Variants in ERBB4 observed in about 807,000 individuals in gnomAD.
ERBB4 encodes the protein receptor tyrosine-protein kinase erbB-4.
A neutral mutation model predicts 158.0 loss-of-function variants in ERBB4; 42 were observed. The observed-to-expected ratio is 0.27, with a 90% CI of 0.21 to 0.34. The LOEUF (loss-of-function observed/expected upper bound fraction) is 0.34, where lower values mean the gene tolerates loss of function less well. ERBB4 is among the 10% of genes least tolerant of loss of function. The pLI is 1.00. For missense variants in ERBB4, 1,333 were observed against 1,624.1 expected, an observed-to-expected ratio of 0.82 and a Z score of 3.08; for synonymous variants, 583 against 558.7, an observed-to-expected ratio of 1.04 and a Z score of -0.61.
intron 16 of ERBB4, 92 bp downstream of exon 16, chr2:211,657,662 T>C: frequency 1.1e-6 from 1 of 948,172 alleles, no homozygotes; most frequent in Middle Eastern, 2.5e-4. Flanking sequence ...AGTTACAATA[T>C]ATTATAAATT....
chr2:212,048,992 C>T (rs2077330611), intron 2 of ERBB4, among the ~76,000 whole-genome samples: 2 of 152,198 alleles, frequency 1.3e-5, no homozygotes, highest in Non-Finnish European at 2.9e-5. Context: ...GGGCACACAC[C>T]TTGATTTCAG....
intron 4 of ERBB4, among the ~76,000 whole-genome samples, chr2:211,760,471 A>G (rs1250799418): frequency 6.6e-6 from 1 of 152,238 alleles, no homozygotes; most frequent in African/African-American, 2.4e-5. Context: ...AACTTGGTGG[A>G]AGGAACAATA....
chr2:211,414,551 T>C (rs933524538), intron 25 of ERBB4, among the ~76,000 whole-genome samples: 3 of 136,050 alleles, frequency 2.2e-5, no homozygotes, highest in Non-Finnish European at 4.9e-5. Context: ...AGAAAGAAAA[T>C]ACAATTTTAA....
intron 3 of ERBB4, among the ~76,000 whole-genome samples, chr2:211,789,886 C>T (rs1203048277): frequency 2.0e-5 from 3 of 151,994 alleles, no homozygotes; most frequent in South Asian, 2.1e-4. Context: ...ATGTACGAAA[C>T]CCTCCAGATT....
At chr2:211,599,388 T>C (rs550016650) in intron 19 of ERBB4, among the ~76,000 whole-genome samples, 5 of 152,318 alleles carry the variant, frequency 3.3e-5, no homozygotes, top group Admixed American at 2.6e-4. Flanking sequence ...GGGCTCTTTT[T>C]ACTTCTGCCT....
intron 26 of ERBB4, 94 bp downstream of exon 26, chr2:211,387,851 G>T: frequency 1.0e-6 from 1 of 991,408 alleles, no homozygotes; most frequent in Non-Finnish European, 1.6e-6. Flanking sequence ...GTTGGCAAAG[G>T]CAAAATGAGG....
At chr2:212,342,119 C>G (rs2088750158) in intron 1 of ERBB4, among the ~76,000 whole-genome samples, 1 of 152,056 alleles carries the variant, frequency 6.6e-6, no homozygotes, top group Non-Finnish European at 1.5e-5. Flanking sequence ...AACAAAACAT[C>G]CAGGCATGTT....
intron 1 of ERBB4, among the ~76,000 whole-genome samples, chr2:212,289,342 T>G (rs2086120228): frequency 6.6e-6 from 1 of 152,194 alleles, no homozygotes; most frequent in Non-Finnish European, 1.5e-5. Context: ...TAAAGGATCT[T>G]TTGATATTTT....
At chr2:211,830,384 A>C (rs2077193649) in intron 3 of ERBB4, among the ~76,000 whole-genome samples, 2 of 152,144 alleles carry the variant, frequency 1.3e-5, no homozygotes, top group Non-Finnish European at 2.9e-5. Flanking sequence ...TACTTGGCCA[A>C]ATAACTAATG....
At chr2:212,106,211 C>T (rs771769196) in intron 2 of ERBB4, among the ~76,000 whole-genome samples, 2 of 152,084 alleles carry the variant, frequency 1.3e-5, no homozygotes, top group African/African-American at 2.4e-5. Context: ...CTGGAACTCC[C>T]TAGAGACTTG....
intron 3 of ERBB4, among the ~76,000 whole-genome samples, chr2:211,828,462 ATTC>A (rs955993254): frequency 1.2e-4 from 19 of 152,102 alleles, no homozygotes; most frequent in African/African-American, 4.6e-4. Context: ...GGGCCCTAGA[ATTC>A]TTCTAGGGTC....
At chr2:212,103,272 A>G (rs1031726663) in intron 2 of ERBB4, among the ~76,000 whole-genome samples, 4 of 152,072 alleles carry the variant, frequency 2.6e-5, no homozygotes, top group African/African-American at 9.7e-5. Flanking sequence ...CATTTTGATA[A>G]GTCTTCCTTC....
Position 212,232,503 on chromosome 2 carries a change from T to C in ERBB4, c.83-107600A>G, listed in dbSNP as rs542270886. ...AGCTCACCACAACCTCTGTCTCCTG[T>C]GTTCAAGCGATTTTCCTGCCTCTGC... On this transcript the variant is annotated intron_variant, in intron 1 of 27. Coordinates refer to ENST00000342788, the MANE Select transcript of ERBB4 (RefSeq NM_005235.3). Among the ~76,000 whole-genome samples, 15 of 152,208 alleles carry C rather than the reference T, an allele frequency of 9.9e-5. No homozygotes were observed. The South Asian group carries it at 3.1e-3, about 32-fold the overall frequency.
chr2:212,023,617 C>A (rs1258643623), intron 2 of ERBB4, among the ~76,000 whole-genome samples: 1 of 151,612 alleles, frequency 6.6e-6, no homozygotes, highest in African/African-American at 2.4e-5. Context: ...TATATGCAGA[C>A]TTCAACATGC....
At chr2:211,789,406 G>A (rs565735993) in intron 3 of ERBB4, among the ~76,000 whole-genome samples, 1 of 152,204 alleles carries the variant, frequency 6.6e-6, no homozygotes, top group Non-Finnish European at 1.5e-5. Context: ...GGCACAAGAT[G>A]GCTGCTACAT....
intron 1 of ERBB4, among the ~76,000 whole-genome samples, chr2:212,235,130 T>G (rs2083814817): frequency 6.6e-6 from 1 of 152,320 alleles, no homozygotes; most frequent in Admixed American, 6.5e-5. Context: ...AAGTCGTTAA[T>G]CCATCTTGAC....
chr2:212,210,547 G>C (rs2082903016), intron 1 of ERBB4, among the ~76,000 whole-genome samples: 1 of 152,058 alleles, frequency 6.6e-6, no homozygotes, highest in Admixed American at 6.6e-5. Flanking sequence ...CCATCAATCA[G>C]AGAAATAGAT....
chr2:212,422,500 AACACAC>A (rs56308920), intron 1 of ERBB4, among the ~76,000 whole-genome samples: 4 of 148,556 alleles, frequency 2.7e-5, no homozygotes, highest in South Asian at 2.1e-4. Flanking sequence ...TTGGACTCAA[AACACAC>A]ACACACACAC....
chr2:211,477,270 C>T (rs934585144), intron 20 of ERBB4, among the ~76,000 whole-genome samples: 2 of 151,944 alleles, frequency 1.3e-5, no homozygotes, highest in Non-Finnish European at 2.9e-5. Context: ...ACCAAGTCTC[C>T]ATAATTACAT....
Sources: gnomAD v4.1 joint callset for allele counts (sites outside exome capture counted in the v4.1 genomes callset) on GRCh38, gnomAD v4.1.1 for gene constraint, MANE v1.5 for transcripts, NCBI Gene and HGNC (gene_info 2026-07-23, HGNC 2026-07-21) for gene names.